SMAD3: variants seen among roughly 807,000 people sequenced by gnomAD.
SMAD3 encodes the protein SMAD family member 3.
Under a neutral mutation model 51.8 loss-of-function variants are expected in SMAD3, and 12 were observed. The observed-to-expected ratio is 0.23, with a 90% CI of 0.15 to 0.38. The LOEUF is 0.38. Ranked by LOEUF, SMAD3 falls within the 10% of genes least tolerant of loss-of-function variation. SMAD3 has a pLI of 1.00. For synonymous variants in SMAD3, 238 were observed against 227.7 expected, an observed-to-expected ratio of 1.05 and a Z score of -0.41; for missense variants, 294 against 565.6, an observed-to-expected ratio of 0.52 and a Z score of 4.87.
At chr15:67,125,567 T>G in intron 1 of SMAD3, 1 of 306,184 alleles carries the variant, frequency 3.3e-6, no homozygotes, top group Non-Finnish European at 4.8e-6. Context: ...TAGGCGTTAT[T>G]GGGCCTTTTC....
chr15:67,179,362 AG>A (rs1962990714), intron 5 of SMAD3, among the ~76,000 whole-genome samples: 1 of 152,188 alleles, frequency 6.6e-6, no homozygotes, highest in Non-Finnish European at 1.5e-5. Flanking sequence ...ACTAGCACCT[AG>A]TGGGTAGGGG....
intron 1 of SMAD3, among the ~76,000 whole-genome samples, chr15:67,164,387 A>C (rs1463951121): frequency 6.6e-6 from 1 of 151,014 alleles, no homozygotes; most frequent in Non-Finnish European, 1.5e-5. Flanking sequence ...CTGACTTTCT[A>C]ATGTGCAAGG....
rs753530213 is a variant in SMAD3, at chr15:67,112,154, C to CTTTT, written c.206+45803_206+45806dup. Among the ~76,000 whole-genome samples, 6 of 90,426 alleles carry CTTTT rather than the reference C, an allele frequency of 6.6e-5. 1 individual carries two copies. The highest frequency in any genetic ancestry group is 1.1e-4 in the Non-Finnish European group (6 of 52,504). The allele number at this position is 90,426 out of a possible 152,430, so 59.3% of individuals were successfully genotyped here. On this transcript the variant is annotated intron_variant, in intron 1 of 8. Coordinates refer to ENST00000327367, the MANE Select transcript of SMAD3 (RefSeq NM_005902.4). ...TTAGCCATTTCTTTTTTTTTCTTTC[C>CTTTT]TTTTTTTTTTTTGAGACAGAGTTTT... is the stretch of plus-strand genomic sequence containing the variant.
At chr15:67,092,228 A>C (rs757577111) in intron 1 of SMAD3, among the ~76,000 whole-genome samples, 18 of 152,194 alleles carry the variant, frequency 1.2e-4, no homozygotes, top group Non-Finnish European at 1.3e-4. Flanking sequence ...AAGATGAGGG[A>C]TGGATCAGAG....
At position 67,134,477 on chromosome 15, in the gene SMAD3, A is replaced by T. The variant is rs7166899; in HGVS notation, c.207-30418A>T. ...TCCCCAGTGGTGTGTGTGAGAGAGC[A>T]AGCAGCACTAAGAAAAGCCACTGCT... is the stretch of plus-strand genomic sequence containing the variant. On this transcript the variant is annotated intron_variant, in intron 1 of 8. Coordinates refer to ENST00000327367, the MANE Select transcript of SMAD3 (RefSeq NM_005902.4). Among the ~76,000 whole-genome samples, 908 of 152,304 alleles carry T rather than the reference A, an allele frequency of 6.0e-3. 7 individuals are homozygous for T. The highest frequency in any genetic ancestry group is 9.3e-3 in the Non-Finnish European group (630 of 68,032).
rs374297467 is a variant in SMAD3, at chr15:67,112,019, C to G, written c.206+45659C>G. 5.3e-4 allele frequency among the ~76,000 whole-genome samples: 81 copies of G among 152,102 alleles called. 2 individuals carry two copies. The highest frequency in any genetic ancestry group is 1.9e-3 in the African/African-American group (79 of 41,490). On this transcript the variant is annotated intron_variant, in intron 1 of 8. Coordinates refer to ENST00000327367, the MANE Select transcript of SMAD3 (RefSeq NM_005902.4). The stretch of plus-strand genomic sequence containing the variant: ...GCCAGGTTGGTCTTGAACTCCTGAC[C>G]TCAGATGATCCACCTGCCTCAGCCT...
chr15:67,102,247 A>AGTGT (rs56983970), intron 1 of SMAD3, among the ~76,000 whole-genome samples: 4,872 of 149,112 alleles, frequency 0.033, 208 homozygotes, highest in East Asian at 0.13. Context: ...ATGCTGTGAA[A>AGTGT]GTGTGTGTGT....
In SMAD3 at chr15:67,144,127, C is replaced by T. The variant is rs1961909780; in HGVS notation, c.207-20768C>T. Among the ~76,000 whole-genome samples, 3 of 152,204 alleles carry T rather than the reference C, an allele frequency of 2.0e-5. No homozygotes were observed. The South Asian group carries it at 6.2e-4, about 32-fold the overall frequency. ...TCCATCACTCCTCTAAAACTTTCCT[C>T]CTGCCTCTTTGCAATTTCACCATCT... is the stretch of plus-strand genomic sequence containing the variant. On this transcript the variant is annotated intron_variant, in intron 1 of 8. Coordinates refer to ENST00000327367, the MANE Select transcript of SMAD3 (RefSeq NM_005902.4).
rs770764038 is a variant in SMAD3 at position 67,191,341 on chromosome 15, G to A, written c.*805G>A. ...TTAATCTCAAAGAGATTCGAATGACGGTAAGTGTTCTCATGAAGCAGGAGG... is the reference window on the plus strand; with the variant it reads ...TTAATCTCAAAGAGATTCGAATGACAGTAAGTGTTCTCATGAAGCAGGAGG... On this transcript the variant is annotated 3_prime_UTR_variant, in exon 9 of 9. Coordinates refer to ENST00000327367, the MANE Select transcript of SMAD3 (RefSeq NM_005902.4). 6.4e-5 allele frequency: 15 copies of A among 233,278 alleles called. No homozygotes were observed. The highest frequency in any genetic ancestry group is 8.5e-5 in the Non-Finnish European group (10 of 118,072). 14.5% of individuals were successfully genotyped at this position (233,278 alleles called of 1,614,324 possible).
intron 1 of SMAD3, among the ~76,000 whole-genome samples, chr15:67,153,310 T>C (rs1962195361): frequency 6.6e-6 from 1 of 152,060 alleles, no homozygotes; most frequent in African/African-American, 2.4e-5. Context: ...TGGCCAATAT[T>C]GTGAAACCCC....
rs541933856 is a variant in SMAD3, at chr15:67,073,013, C to G, written c.206+6653C>G. The stretch of plus-strand genomic sequence containing the variant: ...ATAGTGAATAAGGCAGATACTGTCC[C>G]TGGTGCCTTCTGTAGCTTCTAGTCC... On this transcript the variant is annotated intron_variant, in intron 1 of 8. Transcript: ENST00000327367. Among the ~76,000 whole-genome samples the G allele has an allele frequency of 3.9e-5, 6 of 152,350 alleles. No individual in the cohort carries two copies. In the South Asian group the frequency reaches 1.2e-3, roughly 32 times the overall value.
rs1045217665 is a variant in SMAD3 at position 67,184,945 on chromosome 15, C to G, written c.1009+81C>G. On this transcript the variant is annotated intron_variant, in intron 7 of 8. Coordinates refer to ENST00000327367, the MANE Select transcript of SMAD3 (RefSeq NM_005902.4). ...AGGATGCTGGAGAGAGTCCACCTTT[C>G]TCACCTTTTCTGCTCACTCATGATT... is the stretch of plus-strand genomic sequence containing the variant. 7.1e-6 allele frequency: 11 copies of G among 1,547,844 alleles called. No individual in the cohort carries two copies. In the African/African-American group the frequency reaches 9.5e-5, roughly 13 times the overall value.
intron 5 of SMAD3, among the ~76,000 whole-genome samples, chr15:67,177,271 A>C (rs969534700): frequency 2.0e-5 from 3 of 152,196 alleles, no homozygotes; most frequent in African/African-American, 4.8e-5. Context: ...GGAAGCTCAG[A>C]GCCAAACTGG....
intron 1 of SMAD3, among the ~76,000 whole-genome samples, chr15:67,092,278 T>C (rs542549503): frequency 1.3e-5 from 2 of 152,358 alleles, no homozygotes; most frequent in African/African-American, 4.8e-5. Flanking sequence ...GCAAGCCTGA[T>C]GCTCTAATTT....
At chr15:67,187,210 G>A in intron 7 of SMAD3, 155 bp from the exon 8 acceptor site, 2 of 866,266 alleles carry the variant, frequency 2.3e-6, no homozygotes, top group Non-Finnish European at 3.8e-6. Flanking sequence ...ATGGTACTGA[G>A]TGTGGAGTGT....
intron 1 of SMAD3, among the ~76,000 whole-genome samples, chr15:67,110,941 G>A (rs1960999660): frequency 1.3e-5 from 2 of 152,206 alleles, no homozygotes; most frequent in African/African-American, 2.4e-5. Context: ...TACATTACTA[G>A]TAACACAAGT....
At chr15:67,126,978 G>A (rs887459158) in intron 1 of SMAD3, among the ~76,000 whole-genome samples, 3 of 152,184 alleles carry the variant, frequency 2.0e-5, no homozygotes, top group Non-Finnish European at 2.9e-5. Flanking sequence ...CAGCTCTTAC[G>A]GCCACTGCCT....
rs757151117 is a variant in SMAD3 at position 67,194,986 on chromosome 15, C to G, written c.*4450C>G. On this transcript the variant is annotated 3_prime_UTR_variant, in exon 9 of 9. Transcript: ENST00000327367. ...TGATTACCTTCACTATTCGGCCAGC[C>G]TGACCTTTTAATAACTTTGTAAAAA... 23 of 233,546 alleles carry G rather than the reference C, an allele frequency of 9.8e-5. No homozygotes were observed. Among genetic ancestry groups the G allele is most frequent in the Admixed American group, 1.7e-4 (3 of 17,770 alleles). 14.5% of individuals were successfully genotyped at this position (233,546 alleles called of 1,614,324 possible).
At chr15:67,113,818 C>T (rs1375860806) in intron 1 of SMAD3, among the ~76,000 whole-genome samples, 3 of 152,168 alleles carry the variant, frequency 2.0e-5, no homozygotes, top group East Asian at 1.9e-4. Context: ...TCCCTTTAGA[C>T]GAATAGCTCT....
Sources: gnomAD v4.1 joint callset for allele counts (sites outside exome capture counted in the v4.1 genomes callset) on GRCh38, gnomAD v4.1.1 for gene constraint, MANE v1.5 for transcripts, NCBI Gene and HGNC (gene_info 2026-07-23, HGNC 2026-07-21) for gene names.